The following EXOC4 variants were observed in gnomAD, a reference collection of about 807,000 sequenced individuals.
EXOC4 encodes the protein SEC8-like 1.
EXOC4 carries 71 observed loss-of-function variants against 107.2 expected under a neutral mutation model. The observed-to-expected ratio is 0.66, with a 90% CI of 0.55 to 0.81. The LOEUF (loss-of-function observed/expected upper bound fraction) is 0.81. EXOC4 is among the 30% of genes least tolerant of loss of function. The pLI, the probability that EXOC4 is intolerant of heterozygous loss-of-function variation, is 0.00. For missense variants in EXOC4, 1,108 were observed against 1,189.6 expected, an observed-to-expected ratio of 0.93 and a Z score of 1.01; for synonymous variants, 456 against 441.2, an observed-to-expected ratio of 1.03 and a Z score of -0.42.
In EXOC4 at chr7:133,305,960, G is replaced by A. The variant is rs1794744331; in HGVS notation, c.555G>A (p.Lys185=). 1 of 1,613,846 alleles carries A rather than the reference G, an allele frequency of 6.2e-7. No homozygotes were observed. Among genetic ancestry groups the A allele is most frequent in the African/African-American group, 1.3e-5 (1 of 74,904 alleles). Residue 185 remains lysine (K), a synonymous_variant, in exon 4 of 18, where the codon AAG becomes AAA. Transcript: ENST00000253861. ...SDLRLELHSK[K]MNLHLVLIDE... ...TTCGACTAGAGCTTCACAGCAAGAA[G>A]ATGAACCTTCACTTGGTTCTCATAG...
rs758007989 is a variant in EXOC4, at chr7:133,475,338, C to T, written c.1193C>T (p.Thr398Ile). The change falls in exon 8 of 18, where the codon ACT (threonine) becomes ATT (isoleucine). Residue 398 changes from threonine (T) to isoleucine (I), a missense_variant. Transcript: ENST00000253861. ...KIQDVLQMLL[T>I]EYLDMKNTRT... ...TATCTGGTTGTACAGATGCTATTAA[C>T]TGAGTACTTGGATATGAAAAATACT... 3 of 1,612,608 alleles carry T rather than the reference C, an allele frequency of 1.9e-6. No homozygotes were observed. Among genetic ancestry groups the T allele is most frequent in the Non-Finnish European group, 2.5e-6 (3 of 1,178,860 alleles).
rs535299991 is a variant in EXOC4, at chr7:133,761,065, C to CA, written c.1515-56257dup. Among the ~76,000 whole-genome samples the CA allele has an allele frequency of 3.0e-4, 45 of 152,272 alleles. 1 individual carries two copies. The highest frequency in any genetic ancestry group is 1.1e-3 in the African/African-American group (45 of 41,552). ...TATTGATGATAAGTGAGAGGGCAAA[C>CA]AAACCGATAAATTAAGAATTTAGTA... On this transcript the variant is annotated intron_variant, in intron 10 of 17. Coordinates refer to ENST00000253861, the MANE Select transcript of EXOC4 (RefSeq NM_021807.4).
chr7:133,790,126 G>C (rs1420985007), intron 10 of EXOC4, among the ~76,000 whole-genome samples: 1 of 152,202 alleles, frequency 6.6e-6, no homozygotes, highest in African/African-American at 2.4e-5. Context: ...AAATAAGTCA[G>C]CCTCCTTCAC....
intron 11 of EXOC4, among the ~76,000 whole-genome samples, chr7:133,845,411 T>TTA (rs1043963259): frequency 6.8e-6 from 1 of 147,700 alleles, no homozygotes; most frequent in African/African-American, 2.5e-5. Flanking sequence ...ATACTATATT[T>TTA]TATATATATC....
chr7:133,326,862 C>T (rs928421607), intron 5 of EXOC4, among the ~76,000 whole-genome samples: 7 of 152,222 alleles, frequency 4.6e-5, no homozygotes, highest in African/African-American at 4.8e-5. Flanking sequence ...CCACCCAGTT[C>T]GAGCTTCCTG....
At chr7:133,339,508 A>T (rs1795609320) in intron 5 of EXOC4, among the ~76,000 whole-genome samples, 1 of 152,140 alleles carries the variant, frequency 6.6e-6, no homozygotes, top group Non-Finnish European at 1.5e-5. Flanking sequence ...TTTTGGTGCC[A>T]CGTGAATTTT....
chr7:134,013,026 T>TATGTGTATGAAA (rs1267648343), intron 17 of EXOC4, among the ~76,000 whole-genome samples: 2 of 152,210 alleles, frequency 1.3e-5, no homozygotes, highest in African/African-American at 4.8e-5. Flanking sequence ...TTATCTTTCA[T>TATGTGTATGAAA]ACACAACTTA....
chr7:133,838,081 A>G (rs1280741777), intron 11 of EXOC4, among the ~76,000 whole-genome samples: 1 of 152,176 alleles, frequency 6.6e-6, no homozygotes, highest in African/African-American at 2.4e-5. Context: ...ATCATAACCC[A>G]TTTGCCTTAT....
At chr7:133,419,447 A>T (rs1797552651) in intron 7 of EXOC4, among the ~76,000 whole-genome samples, 1 of 152,150 alleles carries the variant, frequency 6.6e-6, no homozygotes, top group African/African-American at 2.4e-5. Flanking sequence ...ACAGTAAAGG[A>T]ATTGACCACC....
the EXOC4 span, among the ~76,000 whole-genome samples, chr7:134,097,568 G>A: frequency 2.0e-5 from 3 of 152,116 alleles, no homozygotes; most frequent in Non-Finnish European, 4.4e-5. Context: ...GAAAATGGAG[G>A]AGAAAATGGT....
At chr7:133,692,801 C>G (rs144123601) in intron 10 of EXOC4, among the ~76,000 whole-genome samples, 2 of 152,280 alleles carry the variant, frequency 1.3e-5, no homozygotes, top group African/African-American at 4.8e-5. Context: ...GCACCTTAAC[C>G]TTTCTCCTCC....
chr7:133,289,171 C>G, intron 3 of EXOC4, 55 bp downstream of exon 3: 2 of 1,474,362 alleles, frequency 1.4e-6, no homozygotes, highest in Non-Finnish European at 1.9e-6. Context: ...AAAGCACTCT[C>G]TTTTATTCTC....
chr7:133,904,077 T>G (rs1234118634), intron 12 of EXOC4, among the ~76,000 whole-genome samples: 2 of 152,090 alleles, frequency 1.3e-5, no homozygotes, highest in Non-Finnish European at 2.9e-5. Flanking sequence ...GGCAAAACTT[T>G]TGCACTGAGT....
chr7:133,329,187 T>C (rs940316186), intron 5 of EXOC4, among the ~76,000 whole-genome samples: 7 of 152,186 alleles, frequency 4.6e-5, no homozygotes, highest in Admixed American at 3.9e-4. Context: ...ATCACTGATA[T>C]CATTTCTTCC....
At chr7:133,303,347 T>G (rs750453804) in intron 3 of EXOC4, among the ~76,000 whole-genome samples, 2 of 152,134 alleles carry the variant, frequency 1.3e-5, no homozygotes, top group Non-Finnish European at 2.9e-5. Context: ...GGCAGGAGAA[T>G]CGCTTGAACT....
chr7:133,573,870 T>C (rs1345153310), intron 9 of EXOC4, among the ~76,000 whole-genome samples: 3 of 152,220 alleles, frequency 2.0e-5, no homozygotes, highest in Admixed American at 2.0e-4. Context: ...CTGTCAGCAT[T>C]GTAGGTTCCT....
At chr7:133,285,094 C>A (rs1028749668) in intron 2 of EXOC4, among the ~76,000 whole-genome samples, 3 of 151,124 alleles carry the variant, frequency 2.0e-5, no homozygotes, top group African/African-American at 7.3e-5. Flanking sequence ...CCACTACATC[C>A]TCTTCCTTCA....
intron 9 of EXOC4, among the ~76,000 whole-genome samples, chr7:133,507,972 A>G (rs1799696852): frequency 6.6e-6 from 1 of 152,118 alleles, no homozygotes; most frequent in South Asian, 2.1e-4. Context: ...AGGCAGGAGA[A>G]TCACTTGAAC....
rs560243168 is a variant in EXOC4 at position 133,819,294 on chromosome 7, A to G, written c.1734+1750A>G. Among the ~76,000 whole-genome samples the G allele has an allele frequency of 2.1e-3, 211 of 100,014 alleles. 1 individual carries two copies. The highest frequency in any genetic ancestry group is 9.3e-3 in the African/African-American group (191 of 20,550). 65.6% of individuals were successfully genotyped at this position (100,014 alleles called of 152,430 possible). ...ATGGAATACTTTTTTTTTTTTTGTCAAGATCCCAGATAGATCTCCCCAGTT... is the reference window on the plus strand; with the variant it reads ...ATGGAATACTTTTTTTTTTTTTGTCGAGATCCCAGATAGATCTCCCCAGTT... On this transcript the variant is annotated intron_variant, in intron 11 of 17. Coordinates refer to ENST00000253861, the MANE Select transcript of EXOC4 (RefSeq NM_021807.4).
Sources: allele counts gnomAD v4.1 joint callset (sites outside exome capture counted in the v4.1 genomes callset), GRCh38; gene constraint gnomAD v4.1.1; transcripts MANE v1.5; gene names NCBI Gene and HGNC (gene_info 2026-07-23, HGNC 2026-07-21).